Variants in SERINC5 observed in about 807,000 individuals in gnomAD.
SERINC5 encodes the protein chromosome 5 open reading frame 12.
SERINC5 carries 41 observed loss-of-function variants against 63.1 expected under a neutral mutation model. That is an observed-to-expected ratio of 0.65 (90% CI 0.51 to 0.84). SERINC5 has a LOEUF of 0.84. Ranked by LOEUF, SERINC5 falls within the 40% of genes least tolerant of loss-of-function variation. The probability of loss-of-function intolerance (pLI) is 0.00; values close to 1 mark genes in which losing one functional copy is unlikely to be tolerated. For synonymous variants in SERINC5, 222 were observed against 215.2 expected (o/e 1.03, Z -0.28); for missense variants, 523 against 573.0 (o/e 0.91, Z 0.89).
chr5:80,204,812 C>T (rs1244023030), intron 1 of SERINC5, among the ~76,000 whole-genome samples: 1 of 152,158 alleles, frequency 6.6e-6, no homozygotes, highest in Non-Finnish European at 1.5e-5. Flanking sequence ...GGCTAGTCCT[C>T]AGAGAAACAG....
At chr5:80,202,443 G>C (rs1216133796) in intron 2 of SERINC5, among the ~76,000 whole-genome samples, 3 of 152,126 alleles carry the variant, frequency 2.0e-5, no homozygotes, top group African/African-American at 7.2e-5. Context: ...ATAGACAATG[G>C]AGACTCAGGG....
chr5:80,213,305 G>C (rs568881324), intron 1 of SERINC5, among the ~76,000 whole-genome samples: 1 of 151,676 alleles, frequency 6.6e-6, no homozygotes, highest in Non-Finnish European at 1.5e-5. Context: ...GTTAGCAATA[G>C]TTAACACTTA....
chr5:80,195,286 C>CAAA lies in SERINC5; in HGVS notation c.195+7597_195+7599dup, dbSNP rs35770657. On this transcript the variant is annotated intron_variant, in intron 2 of 11. Coordinates refer to ENST00000507668, the MANE Select transcript of SERINC5 (RefSeq NM_001174072.3). ...GGGCAACAAGAGTGAAACTCTGTCG[C>CAAA]AAAAAAAAAAAAAAAATTCTAACAA... Among the ~76,000 whole-genome samples the CAAA allele has an allele frequency of 5.7e-4, 56 of 98,800 alleles. 1 individual carries two copies. The highest frequency in any genetic ancestry group is 1.8e-3 in the African/African-American group (53 of 30,076). 64.8% of individuals were successfully genotyped at this position (98,800 alleles called of 152,430 possible).
At chr5:80,224,707 A>G (rs1751086141) in intron 1 of SERINC5, among the ~76,000 whole-genome samples, 1 of 151,092 alleles carries the variant, frequency 6.6e-6, no homozygotes, top group Admixed American at 6.6e-5. Context: ...GCTCACTGCA[A>G]CCTCCATCTC....
chr5:80,229,101 G>A (rs1228646899), intron 1 of SERINC5, among the ~76,000 whole-genome samples: 1 of 118,626 alleles, frequency 8.4e-6, no homozygotes, highest in East Asian at 2.8e-4. Context: ...TCGGCTCACT[G>A]TAACCTCCAC....
chr5:80,214,560 C>CAA (rs10648492), intron 1 of SERINC5, among the ~76,000 whole-genome samples: 3,050 of 138,380 alleles, frequency 0.022, 53 homozygotes, highest in Non-Finnish European at 0.025. Context: ...ATTAAAAAAA[C>CAA]AAAAAAAAAA....
At chr5:80,111,956 A>G (rs534209262) in intron 12 of SERINC5, among the ~76,000 whole-genome samples, 1 of 152,330 alleles carries the variant, frequency 6.6e-6, no homozygotes, top group African/African-American at 2.4e-5. Flanking sequence ...TATGCTTGGT[A>G]AAAGTCATCG....
At chr5:80,128,852 C>G (rs1335134097) in intron 11 of SERINC5, 1 of 152,194 alleles carries the variant, frequency 6.6e-6, no homozygotes, top group African/African-American at 2.4e-5. Flanking sequence ...CATTCTTACT[C>G]TTTCCCTCCC....
intron 2 of SERINC5, among the ~76,000 whole-genome samples, chr5:80,184,888 C>CT (rs965195967): frequency 1.3e-4 from 20 of 151,858 alleles, no homozygotes; most frequent in Admixed American, 1.1e-3. Flanking sequence ...TATGTTGTTT[C>CT]TTTTTTTTGA....
chr5:80,151,362 C>G (rs1356888461), intron 8 of SERINC5, among the ~76,000 whole-genome samples: 1 of 152,164 alleles, frequency 6.6e-6, no homozygotes, highest in Non-Finnish European at 1.5e-5. Context: ...GGCATGAAAG[C>G]AAAAGTCGCA....
At chr5:80,125,325 G>C (rs1382194144) in intron 11 of SERINC5, among the ~76,000 whole-genome samples, 1 of 152,196 alleles carries the variant, frequency 6.6e-6, no homozygotes, top group Non-Finnish European at 1.5e-5. Context: ...CAGATGAGAG[G>C]CTGGGCAGAG....
chr5:80,222,428 G>A (rs1032641719), intron 1 of SERINC5, among the ~76,000 whole-genome samples: 5 of 152,056 alleles, frequency 3.3e-5, no homozygotes, highest in African/African-American at 1.2e-4. Flanking sequence ...CGAGAAATGT[G>A]ATATGGTGGC....
chr5:80,150,869 G>C lies in SERINC5; in HGVS notation c.1053+13C>G, dbSNP rs1746135746. The C allele has an allele frequency of 6.3e-7, 1 of 1,595,562 alleles. No individual in the cohort carries two copies. Among genetic ancestry groups the C allele is most frequent in the Non-Finnish European group, 8.6e-7 (1 of 1,163,078 alleles). On this transcript the variant is annotated intron_variant, in intron 9 of 11. Transcript: ENST00000507668. ...CTGAGATGAAGCAGGACAGGAAAAG[G>C]AAATGAACTTACCTCCAATTCAGGA...
At chr5:80,167,030 C>A (rs1302944252) in intron 6 of SERINC5, 1 of 152,484 alleles carries the variant, frequency 6.6e-6, no homozygotes, top group Non-Finnish European at 1.5e-5. Flanking sequence ...GGCTATGGGG[C>A]TCAGCATTCA....
intron 11 of SERINC5, among the ~76,000 whole-genome samples, chr5:80,124,970 G>A (rs1744692384): frequency 6.6e-6 from 1 of 152,190 alleles, no homozygotes. Flanking sequence ...ACCAAAAAAG[G>A]TAGGGGGATG....
At chr5:80,156,738 A>G (rs570849873) in intron 8 of SERINC5, among the ~76,000 whole-genome samples, 1 of 152,242 alleles carries the variant, frequency 6.6e-6, no homozygotes, top group African/African-American at 2.4e-5. Context: ...GCCCTTACCA[A>G]TCTCCACTAT....
At chr5:80,132,115 A>G (rs1480693987) in intron 11 of SERINC5, among the ~76,000 whole-genome samples, 2 of 152,234 alleles carry the variant, frequency 1.3e-5, no homozygotes, top group Non-Finnish European at 2.9e-5. Context: ...GCCATGTTCA[A>G]CATGCTCTGC....
chr5:80,233,188 G>A (rs988929524), intron 1 of SERINC5, among the ~76,000 whole-genome samples: 1 of 152,198 alleles, frequency 6.6e-6, no homozygotes, highest in African/African-American at 2.4e-5. Context: ...CACTTTGGGA[G>A]GCCAAGGAGG....
chr5:80,187,806 TCAAA>T (rs1748912291), intron 2 of SERINC5, among the ~76,000 whole-genome samples: 2 of 152,114 alleles, frequency 1.3e-5, no homozygotes, highest in Non-Finnish European at 2.9e-5. Context: ...TTTGTCAGAA[TCAAA>T]CAGTCACAGA....
Sources: gnomAD v4.1 joint callset for allele counts (sites outside exome capture counted in the v4.1 genomes callset) on GRCh38, gnomAD v4.1.1 for gene constraint, MANE v1.5 for transcripts, NCBI Gene and HGNC (gene_info 2026-07-23, HGNC 2026-07-21) for gene names.